The following NKAIN2 variants were observed in gnomAD, a reference collection of about 807,000 sequenced individuals.
The protein encoded by NKAIN2 is sodium/potassium-transporting ATPase subunit beta-1-interacting protein 2.
A neutral mutation model predicts 32.6 loss-of-function variants in NKAIN2; 14 were observed. The observed-to-expected ratio is 0.43, with a 90% CI of 0.28 to 0.67. NKAIN2 has a LOEUF of 0.67. Among genes scored for constraint, NKAIN2 ranks in the 30% least tolerant of loss-of-function variants. The pLI, the probability that NKAIN2 is intolerant of heterozygous loss-of-function variation, is 0.17. For missense variants in NKAIN2, 198 were observed against 258.3 expected (o/e 0.77, Z 1.60); for synonymous variants, 80 against 87.2 (o/e 0.92, Z 0.46).
In NKAIN2 at chr6:124,756,474, T is replaced by C. The variant is rs567332156; in HGVS notation, c.475-34865T>C. ...ATGCCTAGACTCAAGATCGCTAATCTTCCACACTGCTGGATATTGAAAGAA... is the reference window on the plus strand; with the variant it reads ...ATGCCTAGACTCAAGATCGCTAATCCTCCACACTGCTGGATATTGAAAGAA... On this transcript the variant is annotated intron_variant, in intron 4 of 6. Transcript: ENST00000368417. Among the ~76,000 whole-genome samples, 259 of 152,218 alleles carry C rather than the reference T, an allele frequency of 1.7e-3. 3 individuals are homozygous for C. The highest frequency in any genetic ancestry group is 5.8e-3 in the African/African-American group (239 of 41,554).
intron 1 of NKAIN2, among the ~76,000 whole-genome samples, chr6:124,256,562 T>C (rs548757446): frequency 5.4e-4 from 83 of 152,314 alleles, no homozygotes; most frequent in African/African-American, 1.7e-3. Context: ...GTAACATTTC[T>C]TTTTCAGTAG....
At chr6:124,137,925 T>C (rs74593357) in intron 1 of NKAIN2, among the ~76,000 whole-genome samples, 2,145 of 152,122 alleles carry the variant, frequency 0.014, 51 homozygotes, top group African/African-American at 0.049. Flanking sequence ...AAGATAACAT[T>C]GGTAAAACTC....
At chr6:124,344,224 G>A (rs1001777001) in intron 2 of NKAIN2, among the ~76,000 whole-genome samples, 1 of 152,040 alleles carries the variant, frequency 6.6e-6, no homozygotes, top group Non-Finnish European at 1.5e-5. Flanking sequence ...ATGCTGTTTT[G>A]GTTACTGTAG....
At chr6:124,704,153 G>A (rs1774934756) in intron 4 of NKAIN2, among the ~76,000 whole-genome samples, 1 of 151,812 alleles carries the variant, frequency 6.6e-6, no homozygotes, top group African/African-American at 2.4e-5. Flanking sequence ...CACATTGATT[G>A]AGAGAAAAAA....
At chr6:124,251,744 A>G (rs993763891) in intron 1 of NKAIN2, among the ~76,000 whole-genome samples, 1 of 152,018 alleles carries the variant, frequency 6.6e-6, no homozygotes, top group African/African-American at 2.4e-5. Context: ...GATGTGGTGC[A>G]AAGGGACCCT....
chr6:124,682,365 A>G (rs991841223), intron 4 of NKAIN2, among the ~76,000 whole-genome samples: 2 of 152,138 alleles, frequency 1.3e-5, no homozygotes, highest in Non-Finnish European at 2.9e-5. Flanking sequence ...GCACTATATA[A>G]TTGAAAAAGG....
intron 4 of NKAIN2, among the ~76,000 whole-genome samples, chr6:124,701,369 A>C (rs1471084944): frequency 1.3e-5 from 2 of 152,122 alleles, no homozygotes; most frequent in Non-Finnish European, 2.9e-5. Context: ...TGCTCAACTT[A>C]AACATCTGTC....
chr6:124,123,152 T>A (rs1489871375), intron 1 of NKAIN2, among the ~76,000 whole-genome samples: 1 of 152,086 alleles, frequency 6.6e-6, no homozygotes, highest in Non-Finnish European at 1.5e-5. Context: ...TACCTGGAAA[T>A]TCACTGCCTT....
chr6:124,811,175 T>G (rs965920897), intron 5 of NKAIN2, among the ~76,000 whole-genome samples: 10 of 152,218 alleles, frequency 6.6e-5, no homozygotes, highest in African/African-American at 2.4e-4. Flanking sequence ...TTTCCTTTAA[T>G]ATTTAGAAAA....
At chr6:124,249,429 A>T (rs1793582672) in intron 1 of NKAIN2, among the ~76,000 whole-genome samples, 1 of 152,082 alleles carries the variant, frequency 6.6e-6, no homozygotes, top group Non-Finnish European at 1.5e-5. Flanking sequence ...AATCACATTG[A>T]ATTAAATCAT....
chr6:124,659,383 C>G (rs1322909060), intron 4 of NKAIN2, among the ~76,000 whole-genome samples: 2 of 151,070 alleles, frequency 1.3e-5, no homozygotes, highest in African/African-American at 4.9e-5. Flanking sequence ...GAGTGGCATA[C>G]AATTCAGAGA....
intron 1 of NKAIN2, among the ~76,000 whole-genome samples, chr6:124,082,757 G>T (rs1784032168): frequency 6.6e-6 from 1 of 151,866 alleles, no homozygotes; most frequent in African/African-American, 2.4e-5. Context: ...TTTTCTGTAT[G>T]ATATTTGTAT....
At chr6:124,499,865 G>A (rs1241776517) in intron 3 of NKAIN2, among the ~76,000 whole-genome samples, 2 of 152,208 alleles carry the variant, frequency 1.3e-5, no homozygotes, top group Non-Finnish European at 2.9e-5. Flanking sequence ...CCTACTTGGA[G>A]TTGGACAGGA....
Position 124,331,345 on chromosome 6 carries a change from C to CAAAAAAAAAAAAAAAAAAAAAA in NKAIN2, c.193-23909_193-23888dup, listed in dbSNP as rs1162529828. Among the ~76,000 whole-genome samples the CAAAAAAAAAAAAAAAAAAAAAA allele has an allele frequency of 3.4e-4, 7 of 20,816 alleles. 1 individual carries two copies. Among genetic ancestry groups the CAAAAAAAAAAAAAAAAAAAAAA allele is most frequent in the Admixed American group, 1.1e-3 (1 of 926 alleles). The allele number at this position is 20,816 out of a possible 152,430, so 13.7% of individuals were successfully genotyped here. A position where few individuals can be genotyped will look rare whatever the true frequency, so the allele number is the denominator to read the frequency against. The stretch of plus-strand genomic sequence containing the variant: ...TGAAACCCTGTCTCTACTAAATATA[C>CAAAAAAAAAAAAAAAAAAAAAA]AAAAAAAAAAAAAAAAAAAAAAAAA... On this transcript the variant is annotated intron_variant, in intron 2 of 6. Transcript: ENST00000368417.
chr6:124,325,565 A>G (rs536841611), intron 2 of NKAIN2, among the ~76,000 whole-genome samples: 1 of 152,280 alleles, frequency 6.6e-6, no homozygotes, highest in Admixed American at 6.5e-5. Context: ...ATACAATAAA[A>G]GACAATAAGC....
At chr6:123,822,659 G>T (rs531494151) in intron 1 of NKAIN2, among the ~76,000 whole-genome samples, 2 of 152,224 alleles carry the variant, frequency 1.3e-5, no homozygotes, top group South Asian at 4.2e-4. Flanking sequence ...GAGGTGTAGT[G>T]GGGGTTGTGA....
At chr6:124,513,059 T>C (rs1009647224) in intron 3 of NKAIN2, among the ~76,000 whole-genome samples, 2 of 152,110 alleles carry the variant, frequency 1.3e-5, no homozygotes, top group South Asian at 2.1e-4. Flanking sequence ...CTCTAGGAGA[T>C]AAAGGCAAAA....
At chr6:124,442,805 A>ATGTTATGATTCT (rs1775743544) in intron 3 of NKAIN2, among the ~76,000 whole-genome samples, 2 of 152,076 alleles carry the variant, frequency 1.3e-5, no homozygotes, top group African/African-American at 4.8e-5. Flanking sequence ...CATACAGTCT[A>ATGTTATGATTCT]TGTTATGATT....
At chr6:124,604,746 G>A (rs561784839) in intron 3 of NKAIN2, among the ~76,000 whole-genome samples, 14 of 151,818 alleles carry the variant, frequency 9.2e-5, no homozygotes, top group Non-Finnish European at 1.5e-4. Context: ...TGAAATCCAC[G>A]CTCCCAGTTA....
Sources: allele counts gnomAD v4.1 joint callset (sites outside exome capture counted in the v4.1 genomes callset), GRCh38; gene constraint gnomAD v4.1.1; transcripts MANE v1.5; gene names NCBI Gene and HGNC (gene_info 2026-07-23, HGNC 2026-07-21).